The following CRPPA variants were observed in gnomAD, a reference collection of about 807,000 sequenced individuals.
CRPPA encodes the protein CDP-L-ribitol pyrophosphorylase A, also known as D-ribitol-5-phosphate cytidylyltransferase.
A neutral mutation model predicts 52.0 loss-of-function variants in CRPPA; 43 were observed. The observed-to-expected ratio is 0.83, with a 90% CI of 0.65 to 1.07. The LOEUF is 1.07. CRPPA is among the 50% of genes least tolerant of loss of function. CRPPA has a pLI of 0.00. For missense variants in CRPPA, 629 were observed against 551.7 expected (o/e 1.14, Z -1.40); for synonymous variants, 250 against 203.5 (o/e 1.23, Z -1.94).
intron 9 of CRPPA, among the ~76,000 whole-genome samples, chr7:16,159,493 T>C (rs144489438): frequency 2.0e-5 from 3 of 152,130 alleles, no homozygotes; most frequent in African/African-American, 4.8e-5. Context: ...GGTTTCCACA[T>C]AGATGGTTTC....
At chr7:16,385,020 A>C (rs1787218738) in intron 2 of CRPPA, among the ~76,000 whole-genome samples, 1 of 152,244 alleles carries the variant, frequency 6.6e-6, no homozygotes, top group African/African-American at 2.4e-5. Flanking sequence ...ATTGAAAAGT[A>C]TAACTATAAT....
At chr7:16,284,125 A>G (rs1013140225) in intron 5 of CRPPA, among the ~76,000 whole-genome samples, 1 of 151,986 alleles carries the variant, frequency 6.6e-6, no homozygotes, top group African/African-American at 2.4e-5. Flanking sequence ...AAAAGGACAA[A>G]TCAAGGGCAA....
intron 9 of CRPPA, among the ~76,000 whole-genome samples, chr7:16,142,208 T>C (rs530500536): frequency 9.0e-4 from 137 of 152,292 alleles, no homozygotes; most frequent in Non-Finnish European, 1.6e-3. Context: ...TTCTTTTCTT[T>C]AGTTTTAATT....
chr7:16,296,100 T>C (rs1784669304), intron 5 of CRPPA, among the ~76,000 whole-genome samples: 1 of 152,262 alleles, frequency 6.6e-6, no homozygotes, highest in East Asian at 1.9e-4. Context: ...CAAATGAAAC[T>C]ACCACTTTCT....
intron 2 of CRPPA, among the ~76,000 whole-genome samples, chr7:16,404,044 A>C (rs1787892603): frequency 6.6e-6 from 1 of 152,184 alleles, no homozygotes; most frequent in African/African-American, 2.4e-5. Context: ...TTCTGGATTC[A>C]ACTTTGAACC....
intron 5 of CRPPA, among the ~76,000 whole-genome samples, chr7:16,279,363 G>C (rs1784271657): frequency 6.6e-6 from 1 of 152,034 alleles, no homozygotes; most frequent in Non-Finnish European, 1.5e-5. Context: ...GGAGCTATAT[G>C]GTATATATGA....
chr7:16,181,961 T>C (rs542365569), intron 9 of CRPPA, among the ~76,000 whole-genome samples: 5 of 152,090 alleles, frequency 3.3e-5, no homozygotes, highest in Admixed American at 6.6e-5. Flanking sequence ...ATGTAATTAA[T>C]CTGTAATGAG....
intron 1 of CRPPA, among the ~76,000 whole-genome samples, chr7:16,420,132 A>G (rs1337493076): frequency 6.6e-6 from 1 of 152,160 alleles, no homozygotes; most frequent in African/African-American, 2.4e-5. Context: ...GAACCTCACT[A>G]GCTTGGTTTT....
chr7:16,112,860 G>A (rs1782294942), intron 9 of CRPPA, among the ~76,000 whole-genome samples: 1 of 151,974 alleles, frequency 6.6e-6, no homozygotes. Context: ...TATATATAAA[G>A]ATATGAATAT....
At chr7:16,215,205 C>G (rs1357219638) in intron 9 of CRPPA, among the ~76,000 whole-genome samples, 1 of 152,204 alleles carries the variant, frequency 6.6e-6, no homozygotes, top group Non-Finnish European at 1.5e-5. Context: ...CTGTCATTCA[C>G]TGGACATTCA....
At chr7:16,282,506 G>C (rs1395477793) in intron 5 of CRPPA, among the ~76,000 whole-genome samples, 5 of 152,022 alleles carry the variant, frequency 3.3e-5, no homozygotes, top group African/African-American at 1.2e-4. Context: ...GGTGAGAAGG[G>C]AGTACATGCA....
chr7:16,178,089 G>A (rs1339024302), intron 9 of CRPPA, among the ~76,000 whole-genome samples: 1 of 151,688 alleles, frequency 6.6e-6, no homozygotes, highest in African/African-American at 2.4e-5. Context: ...AAAATGGAAA[G>A]TTTGACTAGA....
chr7:16,245,941 C>T (rs1783260937), intron 8 of CRPPA, among the ~76,000 whole-genome samples: 1 of 151,970 alleles, frequency 6.6e-6, no homozygotes, highest in Non-Finnish European at 1.5e-5. Flanking sequence ...TGCATAATGG[C>T]TCCTGACTGT....
At chr7:16,170,562 A>G (rs1479834549) in intron 9 of CRPPA, among the ~76,000 whole-genome samples, 1 of 152,244 alleles carries the variant, frequency 6.6e-6, no homozygotes, top group Non-Finnish European at 1.5e-5. Flanking sequence ...GCAAAGAGCG[A>G]AAGAACAAAC....
intron 3 of CRPPA, among the ~76,000 whole-genome samples, chr7:16,355,760 C>T (rs10225225): frequency 6.6e-6 from 1 of 151,920 alleles, no homozygotes; most frequent in Non-Finnish European, 1.5e-5. Context: ...CAGGCTTGAA[C>T]TAGAGTGGTT....
intron 9 of CRPPA, among the ~76,000 whole-genome samples, chr7:16,126,924 GAAAAA>G (rs1228531989): frequency 6.6e-6 from 1 of 151,978 alleles, no homozygotes; most frequent in African/African-American, 2.4e-5. Context: ...TTTGTACAAA[GAAAAA>G]ATAGTATGCT....
intron 8 of CRPPA, among the ~76,000 whole-genome samples, chr7:16,235,161 G>T (rs192331019): frequency 6.6e-6 from 1 of 152,054 alleles, no homozygotes; most frequent in East Asian, 1.9e-4. Context: ...CGGTGGCTAT[G>T]GTAAGCTCAT....
intron 9 of CRPPA, among the ~76,000 whole-genome samples, chr7:16,204,365 C>G (rs1781922178): frequency 6.6e-6 from 1 of 151,964 alleles, no homozygotes; most frequent in African/African-American, 2.4e-5. Flanking sequence ...TTAAGTGAAA[C>G]AACTCAAACA....
Position 16,421,420 on chromosome 7 carries a change from C to T in CRPPA, c.-98G>A. 8.8e-7 allele frequency: 1 copy of T among 1,137,006 alleles called. No individual in the cohort carries two copies. The highest frequency in any genetic ancestry group is 3.4e-4 in the Middle Eastern group (1 of 2,934). 70.4% of individuals were successfully genotyped at this position (1,137,006 alleles called of 1,614,324 possible). ...GGGTCGCGGGGCGAAGGGCAGACCA[C>T]GGAGAGGGACGCAGAGCGCGCAAGC... On this transcript the variant is annotated 5_prime_UTR_variant, in exon 1 of 10. The change creates a new upstream start codon in the 5' untranslated region. Transcript: ENST00000407010.
Sources: gnomAD v4.1 joint callset for allele counts (sites outside exome capture counted in the v4.1 genomes callset) on GRCh38, gnomAD v4.1.1 for gene constraint, MANE v1.5 for transcripts, NCBI Gene and HGNC (gene_info 2026-07-23, HGNC 2026-07-21) for gene names.